Variants in ZDHHC14 observed in about 807,000 individuals in gnomAD.
The protein encoded by ZDHHC14 is palmitoyltransferase ZDHHC14.
In ZDHHC14, 16 loss-of-function variants were observed where a neutral mutation model predicts 47.7. That is an observed-to-expected ratio of 0.34 (90% CI 0.23 to 0.51). ZDHHC14 has a LOEUF of 0.51. Among genes scored for constraint, ZDHHC14 ranks in the 20% least tolerant of loss-of-function variants. ZDHHC14 has a pLI of 0.97. For synonymous variants in ZDHHC14, 293 were observed against 278.9 expected (o/e 1.05, Z -0.50); for missense variants, 515 against 662.5 (o/e 0.78, Z 2.44).
chr6:157,646,911 G>A (rs1304005186), intron 6 of ZDHHC14, among the ~76,000 whole-genome samples: 1 of 152,078 alleles, frequency 6.6e-6, no homozygotes, highest in African/African-American at 2.4e-5. Context: ...CTGTAAATTA[G>A]CAATTAGGGG....
At position 157,582,925 on chromosome 6, in the gene ZDHHC14, C is replaced by T. The variant is rs1382486167; in HGVS notation, c.407-10063C>T. 6.6e-6 allele frequency among the ~76,000 whole-genome samples: 1 copy of T among 151,866 alleles called. No individual in the cohort carries two copies. Among genetic ancestry groups the T allele is most frequent in the Non-Finnish European group, 1.5e-5 (1 of 67,972 alleles). On this transcript the variant is annotated intron_variant, in intron 2 of 8. Transcript: ENST00000359775. This position sits in a 1 kb window ranked among gnomAD's most constrained non-coding sequence, Gnocchi z 4.3. ...ATATTTCTCAGAGGTTTTATTCATTCTTTTTACTTTATTTTCGTCTAACTG... is the reference window on the plus strand; with the variant it reads ...ATATTTCTCAGAGGTTTTATTCATTTTTTTTACTTTATTTTCGTCTAACTG...
chr6:157,626,322 T>A (rs560353033), intron 3 of ZDHHC14, among the ~76,000 whole-genome samples: 7 of 152,222 alleles, frequency 4.6e-5, no homozygotes, highest in Non-Finnish European at 1.0e-4. Context: ...GCCCATTTTC[T>A]GTAGTCATAC....
At chr6:157,593,840 C>T (rs1358659810) in intron 3 of ZDHHC14, among the ~76,000 whole-genome samples, 1 of 152,208 alleles carries the variant, frequency 6.6e-6, no homozygotes, top group Admixed American at 6.5e-5. Context: ...CTCCCCACAC[C>T]CACAGACCCT....
At chr6:157,471,299 A>G (rs908915707) in intron 1 of ZDHHC14, among the ~76,000 whole-genome samples, 5 of 152,354 alleles carry the variant, frequency 3.3e-5, no homozygotes, top group Middle Eastern at 3.4e-3. Context: ...TGTCAAGTGA[A>G]CGAACTAACA....
chr6:157,523,903 A>G (rs944186931), intron 1 of ZDHHC14, among the ~76,000 whole-genome samples: 3 of 152,300 alleles, frequency 2.0e-5, no homozygotes, highest in Admixed American at 2.0e-4. Flanking sequence ...CCTGTCTCCA[A>G]CAACAAAGAC....
intron 8 of ZDHHC14, among the ~76,000 whole-genome samples, chr6:157,668,538 A>T (rs1255082849): frequency 6.6e-6 from 1 of 151,358 alleles, no homozygotes; most frequent in Non-Finnish European, 1.5e-5. Flanking sequence ...AAAAAAAAAA[A>T]AAAATACAAA....
chr6:157,476,673 T>C (rs1021930195), intron 1 of ZDHHC14, among the ~76,000 whole-genome samples: 3 of 151,782 alleles, frequency 2.0e-5, no homozygotes, highest in Non-Finnish European at 4.4e-5. Context: ...ATTAGCAAAC[T>C]GAATTTAACA....
chr6:157,602,201 C>CAA lies in ZDHHC14; in HGVS notation c.565+9069_565+9070dup, dbSNP rs67391412. 4.9e-3 allele frequency among the ~76,000 whole-genome samples: 627 copies of CAA among 127,010 alleles called. 8 individuals are homozygous for CAA. Among genetic ancestry groups the CAA allele is most frequent in the East Asian group, 0.036 (151 of 4,222 alleles). 83.3% of individuals were successfully genotyped at this position (127,010 alleles called of 152,430 possible). ...CTGGGGACAGAGCGAGATTCTGTCT[C>CAA]AAAAAAAAAAAAAAATGCATTCAGG... On this transcript the variant is annotated intron_variant, in intron 3 of 8. Transcript: ENST00000359775.
At chr6:157,595,318 G>A (rs1172364736) in intron 3 of ZDHHC14, among the ~76,000 whole-genome samples, 3 of 149,946 alleles carry the variant, frequency 2.0e-5, no homozygotes, top group East Asian at 2.0e-4. Flanking sequence ...CCAGCCTCCC[G>A]AGTAGCTGGA....
Position 157,382,038 on chromosome 6 carries a change from G to C in ZDHHC14, c.17G>C (p.Gly6Ala). 6.5e-7 allele frequency: 1 copy of C among 1,538,314 alleles called. No individual in the cohort carries two copies. Among genetic ancestry groups the C allele is most frequent in the South Asian group, 1.2e-5 (1 of 82,606 alleles). Residue 6 changes from glycine (G) to alanine (A), a missense_variant, in exon 1 of 9, where the codon GGC (glycine) becomes GCC (alanine). Gly to Ala is a moderately conservative substitution (Grantham distance 60). Around this residue, in one of 4 missense-constraint regions of ZDHHC14, gnomAD observed 59 missense variants for 57.7 expected, o/e 1.02. Coordinates refer to ENST00000359775, the MANE Select transcript of ZDHHC14 (RefSeq NM_024630.3). MPPGG[G>A]GPMKDCEYSQ... Reference sequence around the variant, plus strand: ...CCCTCGTGGATGCCTCCCGGCGGCGGCGGGCCCATGAAAGACTGCGAGTAC... The same window carrying C: ...CCCTCGTGGATGCCTCCCGGCGGCGCCGGGCCCATGAAAGACTGCGAGTAC...
chr6:157,503,064 G>A (rs1181475258), intron 1 of ZDHHC14, among the ~76,000 whole-genome samples: 1 of 152,204 alleles, frequency 6.6e-6, no homozygotes, highest in Non-Finnish European at 1.5e-5. Flanking sequence ...GGTTCAAATT[G>A]CCTAAAGCAG....
At chr6:157,518,164 C>T (rs969689083) in intron 1 of ZDHHC14, among the ~76,000 whole-genome samples, 2 of 152,278 alleles carry the variant, frequency 1.3e-5, no homozygotes, top group East Asian at 3.9e-4. Context: ...AGACCACCCA[C>T]CTGCAGTTGC....
chr6:157,658,206 G>A (rs1363708697), intron 8 of ZDHHC14, among the ~76,000 whole-genome samples: 2 of 152,018 alleles, frequency 1.3e-5, no homozygotes, highest in East Asian at 3.9e-4. Flanking sequence ...GGGAACCAGG[G>A]AATGAGAGCT....
intron 1 of ZDHHC14, among the ~76,000 whole-genome samples, chr6:157,403,573 G>A (rs140123889): frequency 3.2e-4 from 49 of 152,248 alleles, no homozygotes; most frequent in African/African-American, 1.1e-3. Context: ...GTTTAGGGCC[G>A]GCCTGAGAAC....
intron 1 of ZDHHC14, among the ~76,000 whole-genome samples, chr6:157,416,635 TCCAGCC>T: frequency 7.1e-5 from 1 of 14,112 alleles, no homozygotes. Flanking sequence ...GCCACTGCAC[TCCAGCC>T]TGGGTGACAG....
At chr6:157,611,838 G>A (rs1349999978) in intron 3 of ZDHHC14, among the ~76,000 whole-genome samples, 2 of 152,204 alleles carry the variant, frequency 1.3e-5, no homozygotes, top group African/African-American at 4.8e-5. Context: ...TTGTGTGTGT[G>A]TGGTTCTTGG....
intron 2 of ZDHHC14, among the ~76,000 whole-genome samples, chr6:157,547,849 A>AT: frequency 6.7e-6 from 1 of 149,686 alleles, no homozygotes; most frequent in African/African-American, 2.5e-5. Context: ...TTGTGATTTG[A>AT]TTTTTTACCA....
intron 3 of ZDHHC14, among the ~76,000 whole-genome samples, chr6:157,603,977 A>G (rs959212763): frequency 6.6e-6 from 1 of 152,190 alleles, no homozygotes; most frequent in South Asian, 2.1e-4. Flanking sequence ...TTCCACATCC[A>G]TGGATTCAAC....
Position 157,488,026 on chromosome 6 carries a change from T to C in ZDHHC14, c.246-54559T>C, listed in dbSNP as rs181664700. Among the ~76,000 whole-genome samples the C allele has an allele frequency of 2.6e-3, 398 of 152,250 alleles. 1 individual carries two copies. The highest frequency in any genetic ancestry group is 7.1e-3 in the South Asian group (34 of 4,814). ...TGGACTCTTTCTCAGGAGTGGTTTC[T>C]ACTCACATGCAGCCCAGGTGGGACC... On this transcript the variant is annotated intron_variant, in intron 1 of 8. Coordinates refer to ENST00000359775, the MANE Select transcript of ZDHHC14 (RefSeq NM_024630.3).
Sources: allele counts gnomAD v4.1 joint callset (sites outside exome capture counted in the v4.1 genomes callset), GRCh38; gene constraint gnomAD v4.1.1; regional missense constraint gnomAD v4.1.1; non-coding constraint Gnocchi (gnomAD v3.1); transcripts MANE v1.5; gene names NCBI Gene and HGNC (gene_info 2026-07-23, HGNC 2026-07-21).